CDH13: variants seen among roughly 807,000 people sequenced by gnomAD.
CDH13 encodes the protein cadherin-13.
In CDH13, 24 loss-of-function variants were observed where a neutral mutation model predicts 63.8. That is an observed-to-expected ratio of 0.38 (90% CI 0.27 to 0.53). CDH13 has a LOEUF of 0.53. CDH13 is among the 20% of genes least tolerant of loss of function. CDH13 has a pLI of 0.85. For synonymous variants in CDH13, 503 were observed against 355.3 expected (o/e 1.42, Z -4.67); for missense variants, 1,049 against 903.1 (o/e 1.16, Z -2.07).
intron 3 of CDH13, among the ~76,000 whole-genome samples, chr16:83,060,971 C>G (rs925031779): frequency 4.6e-5 from 7 of 152,210 alleles, no homozygotes; most frequent in African/African-American, 1.7e-4. Context: ...TGGCTAATGA[C>G]TCTCACTCCT....
At chr16:83,268,027 C>T (rs1234701819) in intron 5 of CDH13, among the ~76,000 whole-genome samples, 2 of 152,050 alleles carry the variant, frequency 1.3e-5, no homozygotes, top group Non-Finnish European at 2.9e-5. Context: ...CTTCTTTGGC[C>T]ACATGACTGT....
chr16:83,241,012 C>T (rs72802253), intron 5 of CDH13, among the ~76,000 whole-genome samples: 12,376 of 152,198 alleles, frequency 0.081, 637 homozygotes, highest in Non-Finnish European at 0.11. Flanking sequence ...ATCTTAGCAA[C>T]CATCTTCTCA....
intron 5 of CDH13, among the ~76,000 whole-genome samples, chr16:83,232,866 T>C (rs2040043576): frequency 6.6e-6 from 1 of 152,214 alleles, no homozygotes; most frequent in Admixed American, 6.5e-5. Context: ...TAAGAGCTTT[T>C]GAGACTATCG....
chr16:83,263,990 C>T (rs1329971873), intron 5 of CDH13, among the ~76,000 whole-genome samples: 1 of 152,146 alleles, frequency 6.6e-6, no homozygotes, highest in African/African-American at 2.4e-5. Context: ...CCTAAAGTTC[C>T]TAGATAGATT....
intron 6 of CDH13, among the ~76,000 whole-genome samples, chr16:83,446,807 G>T (rs2072701262): frequency 6.6e-6 from 1 of 152,088 alleles, no homozygotes; most frequent in Non-Finnish European, 1.5e-5. Flanking sequence ...TTATTAAGGA[G>T]TACATGTAAC....
At chr16:83,602,831 C>T (rs1426315294) in intron 8 of CDH13, among the ~76,000 whole-genome samples, 1 of 152,154 alleles carries the variant, frequency 6.6e-6, no homozygotes, top group East Asian at 1.9e-4. Flanking sequence ...TGTTAAAGTC[C>T]ATAAGAAAAT....
At chr16:83,175,262 G>A (rs2038079752) in intron 4 of CDH13, among the ~76,000 whole-genome samples, 1 of 151,990 alleles carries the variant, frequency 6.6e-6, no homozygotes, top group Non-Finnish European at 1.5e-5. Context: ...GAAGAAATAA[G>A]GAAAAATGTT....
intron 2 of CDH13, among the ~76,000 whole-genome samples, chr16:83,014,736 A>T (rs1914519516): frequency 2.6e-5 from 1 of 38,740 alleles, no homozygotes; most frequent in Non-Finnish European, 5.2e-5. Flanking sequence ...ATCTAAAAAA[A>T]AAAAAAAATA....
At chr16:83,078,844 G>C (rs914562318) in intron 3 of CDH13, among the ~76,000 whole-genome samples, 1 of 152,126 alleles carries the variant, frequency 6.6e-6, no homozygotes, top group Admixed American at 6.6e-5. Context: ...GCCCGGGCTG[G>C]AGTGCAATGG....
chr16:83,621,083 C>A (rs1181690852), intron 8 of CDH13, among the ~76,000 whole-genome samples: 3 of 152,124 alleles, frequency 2.0e-5, no homozygotes, highest in African/African-American at 4.8e-5. Flanking sequence ...ATCGTAATAC[C>A]CCTTTCGTGG....
At chr16:83,630,709 G>A (rs553592513) in intron 8 of CDH13, among the ~76,000 whole-genome samples, 1 of 152,340 alleles carries the variant, frequency 6.6e-6, no homozygotes, top group South Asian at 2.1e-4. Context: ...ACCTGCACCT[G>A]TGAAGATGAG....
intron 2 of CDH13, among the ~76,000 whole-genome samples, chr16:83,023,376 T>C (rs1915522465): frequency 6.6e-6 from 1 of 151,826 alleles, no homozygotes; most frequent in South Asian, 2.1e-4. Context: ...TTTATTCCAA[T>C]AAATCTCCAT....
At chr16:82,859,575 A>G (rs897734785) in intron 2 of CDH13, 1 of 151,998 alleles carries the variant, frequency 6.6e-6, no homozygotes, top group African/African-American at 2.4e-5. Flanking sequence ...AAAAAAAAAA[A>G]AGAAGAAGAA....
intron 1 of CDH13, among the ~76,000 whole-genome samples, chr16:82,796,784 A>G (rs1051836945): frequency 8.5e-5 from 13 of 152,234 alleles, no homozygotes; most frequent in African/African-American, 3.1e-4. Flanking sequence ...GGGAGATCCC[A>G]GAGGAAGGCT....
chr16:83,020,088 G>A (rs1052943168), intron 2 of CDH13, among the ~76,000 whole-genome samples: 7 of 152,062 alleles, frequency 4.6e-5, no homozygotes, highest in African/African-American at 1.4e-4. Context: ...ATCATCTTAC[G>A]GGATTGCTAT....
chr16:83,374,118 C>T (rs1384061877), intron 6 of CDH13, among the ~76,000 whole-genome samples: 1 of 152,212 alleles, frequency 6.6e-6, no homozygotes, highest in African/African-American at 2.4e-5. Flanking sequence ...CTTATATGTT[C>T]TTGCTGCTGT....
At chr16:83,652,000 G>A (rs527865272) in intron 8 of CDH13, among the ~76,000 whole-genome samples, 24 of 152,306 alleles carry the variant, frequency 1.6e-4, no homozygotes, top group Non-Finnish European at 2.9e-4. Flanking sequence ...GAGGGACAGA[G>A]AATGCTTTTT....
At chr16:83,238,237 A>C (rs1461160247) in intron 5 of CDH13, among the ~76,000 whole-genome samples, 2 of 149,550 alleles carry the variant, frequency 1.3e-5, no homozygotes, top group East Asian at 3.9e-4. Flanking sequence ...AAAAAAAGAG[A>C]GATTTAGTGG....
At chr16:83,602,664 C>A in intron 8 of CDH13, 70 bp downstream of exon 8, 1 of 1,475,982 alleles carries the variant, frequency 6.8e-7, no homozygotes, top group Non-Finnish European at 9.5e-7. Flanking sequence ...TGTTAATTCA[C>A]GTACCACAGC....
Sources: allele counts gnomAD v4.1 joint callset (sites outside exome capture counted in the v4.1 genomes callset), GRCh38; gene constraint gnomAD v4.1.1; transcripts MANE v1.5; gene names NCBI Gene and HGNC (gene_info 2026-07-23, HGNC 2026-07-21).